Variants in RFX3 observed in about 807,000 individuals in gnomAD.
The protein encoded by RFX3 is transcription factor RFX3.
RFX3 carries 14 observed loss-of-function variants against 98.6 expected under a neutral mutation model. The ratio of observed to expected loss-of-function variants is 0.14; its 90% CI spans 0.09 to 0.22. RFX3 has a LOEUF of 0.22. Among genes scored for constraint, RFX3 ranks in the 10% least tolerant of loss-of-function variants. The probability of loss-of-function intolerance (pLI) is 1.00; values close to 1 mark genes in which losing one functional copy is unlikely to be tolerated. For synonymous variants in RFX3, 383 were observed against 328.4 expected (o/e 1.17, Z -1.80); for missense variants, 639 against 926.9 (o/e 0.69, Z 4.03).
intron 15 of RFX3, among the ~76,000 whole-genome samples, chr9:3,232,522 T>A (rs911476853): frequency 5.3e-5 from 8 of 152,230 alleles, no homozygotes; most frequent in African/African-American, 1.9e-4. Flanking sequence ...AAAGTTCATT[T>A]GTTCTCTTCA....
chr9:3,267,526 T>G lies in RFX3; in HGVS notation c.1358-1221A>C, dbSNP rs550481973. ...TTCCCATTCCAATAATAAAGACAAC[T>G]AAATGTGTTTTTAAGAGATTTGTTT... On this transcript the variant is annotated intron_variant, in intron 11 of 16. Transcript: ENST00000617270. Among the ~76,000 whole-genome samples, 6 of 151,996 alleles carry G rather than the reference T, an allele frequency of 3.9e-5. No homozygotes were observed. The South Asian group carries it at 1.0e-3, about 26-fold the overall frequency.
At chr9:3,394,940 T>A (rs914686108) in intron 2 of RFX3, 5 of 508,352 alleles carry the variant, frequency 9.8e-6, no homozygotes, top group East Asian at 3.0e-4. Context: ...ACTTTTTAAA[T>A]AGCTTGAGTC....
At chr9:3,446,707 T>A (rs1482802004) in intron 1 of RFX3, among the ~76,000 whole-genome samples, 4 of 152,102 alleles carry the variant, frequency 2.6e-5, no homozygotes. Flanking sequence ...CTGATCAATA[T>A]GTTTGATTAG....
chr9:3,374,159 T>C (rs1838185004), intron 2 of RFX3, among the ~76,000 whole-genome samples: 2 of 152,018 alleles, frequency 1.3e-5, no homozygotes, highest in African/African-American at 4.8e-5. Flanking sequence ...ATGGTTACTG[T>C]CAAGAAAAGA....
chr9:3,397,647 C>T (rs561512859), intron 1 of RFX3, among the ~76,000 whole-genome samples: 2 of 152,118 alleles, frequency 1.3e-5, no homozygotes, highest in Non-Finnish European at 2.9e-5. Context: ...TTCACTTTGA[C>T]TCTGTGCTTA....
intron 1 of RFX3, among the ~76,000 whole-genome samples, chr9:3,444,023 A>T (rs985820160): frequency 3.3e-5 from 5 of 152,210 alleles, no homozygotes; most frequent in African/African-American, 1.2e-4. Flanking sequence ...GTTTCTTAAA[A>T]ATTGAAATAC....
intron 2 of RFX3, among the ~76,000 whole-genome samples, chr9:3,356,188 GGAAGGAAGGAAA>G (rs1206294902): frequency 1.2e-4 from 17 of 147,774 alleles, no homozygotes; most frequent in African/African-American, 3.7e-4. Context: ...AAGGAAGGAA[GGAAGGAAGGAAA>G]GAAGGAAAGA....
At chr9:3,435,802 TAAAAAAAAAA>T (rs34925429) in intron 1 of RFX3, among the ~76,000 whole-genome samples, 1 of 97,622 alleles carries the variant, frequency 1.0e-5, no homozygotes, top group East Asian at 2.9e-4. Context: ...ATCTGCATTG[TAAAAAAAAAA>T]AAAAAAAAAA....
At position 3,394,647 on chromosome 9, in the gene RFX3, C is replaced by CCATCTATA. The variant is rs900934053; in HGVS notation, c.117+824_117+825insTATAGATG. Reference sequence around the variant, plus strand: ...TCATCATCTATAACCCATCTATATCCTTCTCCCTAACCACTTATTTATAAT... The same window carrying CCATCTATA: ...TCATCATCTATAACCCATCTATATCCCATCTATATTCTCCCTAACCACTTATTTATAAT... On this transcript the variant is annotated intron_variant, in intron 2 of 16. Coordinates refer to ENST00000617270, the MANE Select transcript of RFX3 (RefSeq NM_001282116.2). 3 of 163,602 alleles carry CCATCTATA rather than the reference C, an allele frequency of 1.8e-5. No homozygotes were observed. In the Admixed American group the frequency reaches 2.0e-4, roughly 11 times the overall value. 10.1% of individuals were successfully genotyped at this position (163,602 alleles called of 1,614,324 possible). A position where few individuals can be genotyped will look rare whatever the true frequency, so the allele number is the denominator to read the frequency against.
intron 4 of RFX3, among the ~76,000 whole-genome samples, chr9:3,317,032 T>C: frequency 6.6e-6 from 1 of 152,152 alleles, no homozygotes; most frequent in African/African-American, 2.4e-5. Flanking sequence ...AAAGTTCATA[T>C]GGAACCAAAA....
At chr9:3,512,203 T>C (rs1019725768) in intron 1 of RFX3, among the ~76,000 whole-genome samples, 2 of 152,058 alleles carry the variant, frequency 1.3e-5, no homozygotes, top group Non-Finnish European at 2.9e-5. Context: ...AATCTGTTGT[T>C]AGCATAAGAT....
At chr9:3,381,774 A>C (rs972162921) in intron 2 of RFX3, among the ~76,000 whole-genome samples, 2 of 152,156 alleles carry the variant, frequency 1.3e-5, no homozygotes, top group African/African-American at 4.8e-5. Flanking sequence ...ACCCAGAAAC[A>C]CCAAATAATA....
At chr9:3,312,027 G>A (rs1031513417) in intron 4 of RFX3, among the ~76,000 whole-genome samples, 2 of 152,154 alleles carry the variant, frequency 1.3e-5, no homozygotes, top group East Asian at 1.9e-4. Flanking sequence ...AGAATGTAAG[G>A]TGCAACTAAT....
chr9:3,442,284 A>G (rs1300527942), intron 1 of RFX3, among the ~76,000 whole-genome samples: 2 of 152,142 alleles, frequency 1.3e-5, no homozygotes, highest in East Asian at 1.9e-4. Flanking sequence ...AGCAACATCA[A>G]TGATAAGCGT....
At chr9:3,322,292 G>A (rs891732817) in intron 4 of RFX3, among the ~76,000 whole-genome samples, 16 of 152,038 alleles carry the variant, frequency 1.1e-4, no homozygotes, top group East Asian at 1.9e-4. Context: ...TATCCCTGGC[G>A]AACTTTAGGT....
chr9:3,308,683 T>A (rs1829613451), intron 4 of RFX3, among the ~76,000 whole-genome samples: 1 of 152,134 alleles, frequency 6.6e-6, no homozygotes, highest in Admixed American at 6.6e-5. Context: ...TTGGAGCAAC[T>A]TGCTGAGAGA....
chr9:3,381,626 T>C (rs1238900459), intron 2 of RFX3, among the ~76,000 whole-genome samples: 1 of 152,268 alleles, frequency 6.6e-6, no homozygotes, highest in African/African-American at 2.4e-5. Flanking sequence ...TTTAAGAATA[T>C]AATTCCATTC....
At chr9:3,271,951 A>G (rs1824543428) in intron 9 of RFX3, among the ~76,000 whole-genome samples, 1 of 151,154 alleles carries the variant, frequency 6.6e-6, no homozygotes, top group African/African-American at 2.4e-5. Flanking sequence ...CCTTAAGACT[A>G]TCTCCTTTTC....
At chr9:3,410,009 G>A (rs577384457) in intron 1 of RFX3, among the ~76,000 whole-genome samples, 3 of 152,088 alleles carry the variant, frequency 2.0e-5, no homozygotes, top group African/African-American at 2.4e-5. Flanking sequence ...TGACAGACGC[G>A]CAAAGTGCTT....
Sources: allele counts gnomAD v4.1 joint callset (sites outside exome capture counted in the v4.1 genomes callset), GRCh38; gene constraint gnomAD v4.1.1; transcripts MANE v1.5; gene names NCBI Gene and HGNC (gene_info 2026-07-23, HGNC 2026-07-21).